Variants in TOX observed in about 807,000 individuals in gnomAD.
The protein encoded by TOX is thymocyte selection-associated high mobility group box protein TOX.
TOX carries 11 observed loss-of-function variants against 53.7 expected under a neutral mutation model. The observed-to-expected ratio is 0.20, with a 90% CI of 0.13 to 0.34. The LOEUF (loss-of-function observed/expected upper bound fraction) is 0.34. Among genes scored for constraint, TOX ranks in the 10% least tolerant of loss-of-function variants. The pLI is 1.00. For missense variants in TOX, 570 were observed against 664.6 expected (o/e 0.86, Z 1.56); for synonymous variants, 225 against 245.3 (o/e 0.92, Z 0.77).
intron 1 of TOX, chr8:58,991,780 T>C (rs771674332): frequency 4.6e-5 from 7 of 152,322 alleles, no homozygotes; most frequent in Non-Finnish European, 7.3e-5. Flanking sequence ...AATGAATTCA[T>C]CTTCCAAAAG....
chr8:58,955,458 T>G (rs1419845018), intron 2 of TOX, among the ~76,000 whole-genome samples: 2 of 152,058 alleles, frequency 1.3e-5, no homozygotes, highest in Non-Finnish European at 2.9e-5. Context: ...AGGAAATGGT[T>G]TAGCAGAGTA....
intron 3 of TOX, among the ~76,000 whole-genome samples, chr8:58,911,898 C>T (rs558267333): frequency 6.6e-6 from 1 of 152,272 alleles, no homozygotes; most frequent in East Asian, 1.9e-4. Flanking sequence ...GACGGGGTTT[C>T]TCCATGTTGG....
At chr8:58,837,326 T>A (rs1288483730) in intron 5 of TOX, among the ~76,000 whole-genome samples, 2 of 152,258 alleles carry the variant, frequency 1.3e-5, no homozygotes, top group African/African-American at 4.8e-5. Flanking sequence ...GCTGAGATTT[T>A]TAGATGGTGA....
rs201542310 is a variant in TOX, at chr8:58,975,243, T to TACAC, written c.103-15236_103-15235insGTGT. On this transcript the variant is annotated intron_variant, in intron 1 of 8. Transcript: ENST00000361421. ...TGTATGTATATGTGTGTGATATATATATACACACACACACACACACCCCCA... is the reference window on the plus strand; with the variant it reads ...TGTATGTATATGTGTGTGATATATATACACATACACACACACACACACACCCCCA... 7.8e-3 allele frequency among the ~76,000 whole-genome samples: 687 copies of TACAC among 88,538 alleles called. 3 individuals are homozygous for TACAC. Among genetic ancestry groups the TACAC allele is most frequent in the African/African-American group, 0.022 (661 of 29,862 alleles). 58.1% of individuals were successfully genotyped at this position (88,538 alleles called of 152,430 possible).
At chr8:58,947,226 T>G (rs1007569307) in intron 2 of TOX, among the ~76,000 whole-genome samples, 5 of 152,132 alleles carry the variant, frequency 3.3e-5, no homozygotes, top group Admixed American at 1.3e-4. Flanking sequence ...AATACAAATT[T>G]CAGATAATTT....
chr8:58,947,930 C>T (rs1392177482), intron 2 of TOX, among the ~76,000 whole-genome samples: 1 of 152,198 alleles, frequency 6.6e-6, no homozygotes, highest in Non-Finnish European at 1.5e-5. Flanking sequence ...AAGGTCAGGC[C>T]TTCAACCTCT....
At chr8:59,105,432 C>T (rs1412544285) in intron 1 of TOX, among the ~76,000 whole-genome samples, 1 of 151,948 alleles carries the variant, frequency 6.6e-6, no homozygotes, top group African/African-American at 2.4e-5. Flanking sequence ...TCTTCCATAA[C>T]ATTAGAAAAA....
At chr8:58,897,399 A>G (rs117197682) in intron 3 of TOX, among the ~76,000 whole-genome samples, 2 of 152,342 alleles carry the variant, frequency 1.3e-5, no homozygotes, top group East Asian at 3.9e-4. Flanking sequence ...CTGTGAAGAT[A>G]GTGTTTTTAG....
At chr8:58,931,561 G>C (rs1161443483) in intron 3 of TOX, among the ~76,000 whole-genome samples, 4 of 152,102 alleles carry the variant, frequency 2.6e-5, no homozygotes, top group Admixed American at 2.0e-4. Flanking sequence ...ACTTTAATAA[G>C]GAACTTCCTG....
chr8:59,113,740 T>G (rs1484404729), intron 1 of TOX, among the ~76,000 whole-genome samples: 1 of 151,898 alleles, frequency 6.6e-6, no homozygotes, highest in Non-Finnish European at 1.5e-5. Context: ...AATGGGTAAC[T>G]GGGAAGGAGA....
At chr8:59,092,088 A>G (rs892743039) in intron 1 of TOX, among the ~76,000 whole-genome samples, 1 of 150,800 alleles carries the variant, frequency 6.6e-6, no homozygotes, top group Non-Finnish European at 1.5e-5. Context: ...TGTCTCTACT[A>G]AAAATACAAA....
In TOX at chr8:58,851,183, TCTCACACACACA is replaced by T. The variant is rs780649922; in HGVS notation, c.693+329_693+340del. 3.6e-3 allele frequency among the ~76,000 whole-genome samples: 511 copies of T among 142,708 alleles called. 2 individuals carry two copies. Among genetic ancestry groups the T allele is most frequent in the Non-Finnish European group, 5.9e-3 (396 of 66,768 alleles). 93.6% of individuals were successfully genotyped at this position (142,708 alleles called of 152,430 possible). On this transcript the variant is annotated intron_variant, in intron 4 of 8. Coordinates refer to ENST00000361421, the MANE Select transcript of TOX (RefSeq NM_014729.3). This position sits in a 1 kb window ranked among gnomAD's most constrained non-coding sequence, Gnocchi z 4.4. ...GTCTCTCTCTCTCTCTCTCTCTCTC[TCTCACACACACA>T]CACACACACACACACACGACCTTCA...
Position 58,939,512 on chromosome 8 carries a change from G to A in TOX, c.201C>T (p.Asp67=). Residue 67 remains aspartate, a synonymous_variant, in exon 3 of 9, where the codon GAC becomes GAT. Coordinates refer to ENST00000361421, the MANE Select transcript of TOX (RefSeq NM_014729.3). ...GAGGAGTAATTGGTGGAATGTTGAA[G>A]TCTTCACTTTCCAGGCTTGGACCAG... ...SYPGPSLESE[D]FNIPPITPPS... The A allele has an allele frequency of 6.2e-7, 1 of 1,614,140 alleles. No homozygotes were observed. Among genetic ancestry groups the A allele is most frequent in the African/African-American group, 1.3e-5 (1 of 75,060 alleles).
intron 6 of TOX, 136 bp downstream of exon 6, chr8:58,826,686 T>C (rs1342255283): frequency 2.9e-6 from 2 of 686,622 alleles, no homozygotes; most frequent in Non-Finnish European, 4.5e-6. Flanking sequence ...TATAGCTTTG[T>C]TTGTAATTTA....
At chr8:58,963,222 G>A (rs1049846290) in intron 1 of TOX, among the ~76,000 whole-genome samples, 11 of 152,054 alleles carry the variant, frequency 7.2e-5, no homozygotes, top group Non-Finnish European at 1.6e-4. Context: ...CTAACTGCAG[G>A]TCTTGGGACA....
chr8:58,861,431 G>A lies in TOX; in HGVS notation c.412-9626C>T, dbSNP rs549087467. ...TGTATTTGTATAGATCATGACTTTT[G>A]CATCTGTGCTACAAAGTGTAGGCAG... On this transcript the variant is annotated intron_variant, in intron 3 of 8. Coordinates refer to ENST00000361421, the MANE Select transcript of TOX (RefSeq NM_014729.3). 2.0e-5 allele frequency among the ~76,000 whole-genome samples: 3 copies of A among 152,268 alleles called. No individual in the cohort carries two copies. In the East Asian group the frequency reaches 5.8e-4, roughly 29 times the overall value.
intron 1 of TOX, among the ~76,000 whole-genome samples, chr8:58,960,385 AAAG>A (rs2129178485): frequency 6.6e-6 from 1 of 152,376 alleles, no homozygotes; most frequent in South Asian, 2.1e-4. Flanking sequence ...TTCTGAAAGA[AAAG>A]AATAACGAAA....
intron 3 of TOX, among the ~76,000 whole-genome samples, chr8:58,855,595 T>C (rs914869560): frequency 1.3e-5 from 2 of 152,202 alleles, no homozygotes; most frequent in Non-Finnish European, 2.9e-5. Context: ...ATCTTTTCAC[T>C]TGCAATAGCT....
At chr8:58,852,793 G>A (rs1299819593) in intron 3 of TOX, among the ~76,000 whole-genome samples, 1 of 152,104 alleles carries the variant, frequency 6.6e-6, no homozygotes, top group Admixed American at 6.6e-5. Context: ...AGAAAACTGT[G>A]AGGAAAAAAG....
Sources: gnomAD v4.1 joint callset for allele counts (sites outside exome capture counted in the v4.1 genomes callset) on GRCh38, gnomAD v4.1.1 for gene constraint, Gnocchi (gnomAD v3.1) non-coding constraint, MANE v1.5 for transcripts, NCBI Gene and HGNC (gene_info 2026-07-23, HGNC 2026-07-21) for gene names.